ABR: variants seen among roughly 807,000 people sequenced by gnomAD.
ABR encodes active breakpoint cluster region-related protein.
ABR carries 35 observed loss-of-function variants against 107.2 expected under a neutral mutation model. That is an observed-to-expected ratio of 0.33 (90% CI 0.25 to 0.43). The LOEUF is 0.43. Among genes scored for constraint, ABR ranks in the 20% least tolerant of loss-of-function variants. ABR has a pLI of 1.00. For synonymous variants in ABR, 498 were observed against 462.0 expected (o/e 1.08, Z -1.00); for missense variants, 815 against 1,115.2 (o/e 0.73, Z 3.83).
At chr17:1,159,295 GCGGTACTCACACACA>G (rs2041171539) in intron 1 of ABR, among the ~76,000 whole-genome samples, 1 of 53,616 alleles carries the variant, frequency 1.9e-5, no homozygotes, top group Non-Finnish European at 3.9e-5. Context: ...AGGTAAGAAT[GCGGTACTCACACACA>G]AGGGAAGTAA....
intron 1 of ABR, among the ~76,000 whole-genome samples, chr17:1,159,605 A>T (rs1273014940): frequency 8.6e-6 from 1 of 115,910 alleles, no homozygotes; most frequent in Non-Finnish European, 1.9e-5. Flanking sequence ...CACACACATG[A>T]GAAGTAAGAA....
chr17:1,036,166 C>T (rs946360460), intron 16 of ABR, among the ~76,000 whole-genome samples: 2 of 152,304 alleles, frequency 1.3e-5, no homozygotes, highest in African/African-American at 2.4e-5. Context: ...ACTTGAACCC[C>T]GATTCCTCGT....
At chr17:1,203,350 C>T (rs1342214507) in intron 1 of ABR, among the ~76,000 whole-genome samples, 3 of 129,328 alleles carry the variant, frequency 2.3e-5, no homozygotes, top group South Asian at 5.4e-4. Flanking sequence ...CGGGGAGGAG[C>T]CTGCGGGGCG....
rs980452646 is a variant in ABR, at chr17:1,026,878, C to G, written c.1792-13714G>C. ...CCTCTCCAGCACCAGCGCCCTGTGG[C>G]CAACACCTGGCAGCTCCCCCAGACT... On this transcript the variant is annotated intron_variant, in intron 16 of 22. Coordinates refer to ENST00000302538, the MANE Select transcript of ABR (RefSeq NM_021962.5). 2.6e-5 allele frequency among the ~76,000 whole-genome samples: 4 copies of G among 152,304 alleles called. No individual in the cohort carries two copies. The South Asian group carries it at 8.3e-4, about 32-fold the overall frequency.
rs145088631 is a variant in ABR at position 1,012,153 on chromosome 17, C to A, written c.1962-168G>T. Reference sequence around the variant, plus strand: ...AAGAGGCCACCGCACCCCACCCCAGCCAGCCCACCCGAGGCCTGCCGAAGG... The same window carrying A: ...AAGAGGCCACCGCACCCCACCCCAGACAGCCCACCCGAGGCCTGCCGAAGG... On this transcript the variant is annotated intron_variant, in intron 18 of 22. Coordinates refer to ENST00000302538, the MANE Select transcript of ABR (RefSeq NM_021962.5). 7.5e-4 allele frequency: 838 copies of A among 1,113,926 alleles called. 6 individuals carry two copies. In the African/African-American group the frequency reaches 0.012, roughly 16 times the overall value. 69.0% of individuals were successfully genotyped at this position (1,113,926 alleles called of 1,614,324 possible).
chr17:1,024,181 C>T (rs1024935402), intron 16 of ABR, among the ~76,000 whole-genome samples: 12 of 152,168 alleles, frequency 7.9e-5, no homozygotes, highest in Non-Finnish European at 1.5e-4. Flanking sequence ...CAGCTCTGAG[C>T]GGCCCCTCCC....
At position 1,009,694 on chromosome 17, in the gene ABR, A is replaced by T; in HGVS notation, c.2327T>A (p.Leu776Gln). 1 of 1,613,590 alleles carries T rather than the reference A, an allele frequency of 6.2e-7. No individual in the cohort carries two copies. The highest frequency in any genetic ancestry group is 1.1e-5 in the South Asian group (1 of 91,074). The change falls in exon 21 of 23, where the codon CTG (leucine) becomes CAG (glutamine). Residue 776 changes from leucine to glutamine, a missense_variant. Transcript: ENST00000302538. The stretch of plus-strand genomic sequence containing the variant: ...TCCCCGTTACCTTTTCAAGTGTTCC[A>T]GCAGGAAGAGGAAGGTGATGAGGTT... ...DPNLITFLFL[L>Q]EHLKRVAEKE... is the part of the protein sequence containing the mutation.
chr17:1,103,067 A>C (rs992371531), intron 2 of ABR, among the ~76,000 whole-genome samples: 1 of 152,146 alleles, frequency 6.6e-6, no homozygotes, highest in African/African-American at 2.4e-5. Flanking sequence ...TAAGCCCTTA[A>C]GTTTGTGGCG....
intron 2 of ABR, among the ~76,000 whole-genome samples, chr17:1,108,763 G>A (rs879750773): frequency 3.9e-5 from 6 of 151,994 alleles, no homozygotes; most frequent in Admixed American, 1.3e-4. Context: ...GACACCGGTC[G>A]GGGAGGCAGG....
At chr17:1,077,625 C>T (rs1364412879) in intron 6 of ABR, among the ~76,000 whole-genome samples, 1 of 152,196 alleles carries the variant, frequency 6.6e-6, no homozygotes, top group East Asian at 1.9e-4. Flanking sequence ...ACAGCCCCTC[C>T]AGCACAGCCG....
intron 3 of ABR, among the ~76,000 whole-genome samples, chr17:1,095,047 G>A (rs1009207393): frequency 6.6e-6 from 1 of 152,150 alleles, no homozygotes; most frequent in Non-Finnish European, 1.5e-5. Flanking sequence ...AGGACCCCAC[G>A]GAGGAGCCCG....
chr17:1,064,462 GA>G, intron 10 of ABR, among the ~76,000 whole-genome samples: 1 of 94,626 alleles, frequency 1.1e-5, no homozygotes, highest in South Asian at 4.0e-4. Flanking sequence ...GCTGTTACGT[GA>G]ACTGAGGGCT....
chr17:1,115,637 A>C (rs943693378), intron 2 of ABR, among the ~76,000 whole-genome samples: 1 of 152,246 alleles, frequency 6.6e-6, no homozygotes, highest in Non-Finnish European at 1.5e-5. Flanking sequence ...ACATAAAGCT[A>C]ATGTTGGCCA....
rs2040079051 is a variant in ABR, at chr17:1,136,677, A to C, written c.62-11310T>G. 3.3e-5 allele frequency among the ~76,000 whole-genome samples: 5 copies of C among 152,286 alleles called. No individual in the cohort carries two copies. In the South Asian group the frequency reaches 8.3e-4, roughly 25 times the overall value. On this transcript the variant is annotated intron_variant, in intron 1 of 22. Coordinates refer to ENST00000302538, the MANE Select transcript of ABR (RefSeq NM_021962.5). ...GCTTCTTTCCTGACCCCTCATGAAC[A>C]AATCTCTGCCAGCTTCAAACTTTCC...
chr17:1,131,979 TC>T (rs1364622603), intron 1 of ABR, among the ~76,000 whole-genome samples: 3 of 90,770 alleles, frequency 3.3e-5, no homozygotes, highest in Non-Finnish European at 6.6e-5. Flanking sequence ...CGCGCACAGC[TC>T]CCCCCTCTTT....
intron 5 of ABR, among the ~76,000 whole-genome samples, chr17:1,081,711 G>A (rs2061451532): frequency 6.6e-6 from 1 of 152,158 alleles, no homozygotes; most frequent in Non-Finnish European, 1.5e-5. Flanking sequence ...CAAATAGCTG[G>A]GATTACAAGT....
intron 1 of ABR, among the ~76,000 whole-genome samples, chr17:1,172,726 G>A (rs1422803905): frequency 6.6e-6 from 1 of 151,784 alleles, no homozygotes; most frequent in Non-Finnish European, 1.5e-5. Context: ...CTCCAGCCTG[G>A]GTGACAGAGC....
rs1257700909 is a variant in ABR, at chr17:1,057,957, G to C, written c.1381+13C>G. 2 of 1,611,224 alleles carry C rather than the reference G, an allele frequency of 1.2e-6. No homozygotes were observed. Among genetic ancestry groups the C allele is most frequent in the Admixed American group, 1.7e-5 (1 of 59,962 alleles). On this transcript the variant is annotated intron_variant, in intron 12 of 22. Coordinates refer to ENST00000302538, the MANE Select transcript of ABR (RefSeq NM_021962.5). ...GGACATCATTGGGGAGCGTGGAAGA[G>C]GCAGGAATTTACCCTTCTTCTGTAG...
chr17:1,056,371 G>A (rs1290912331), intron 13 of ABR, among the ~76,000 whole-genome samples: 3 of 152,098 alleles, frequency 2.0e-5, no homozygotes, highest in African/African-American at 7.2e-5. Context: ...CAGGGACTTA[G>A]TACCATTCCC....
Sources: allele counts gnomAD v4.1 joint callset (sites outside exome capture counted in the v4.1 genomes callset), GRCh38; gene constraint gnomAD v4.1.1; transcripts MANE v1.5; gene names NCBI Gene and HGNC (gene_info 2026-07-23, HGNC 2026-07-21).